Variants in ZNF165 observed in about 807,000 individuals in gnomAD.
ZNF165 encodes the protein cancer/testis antigen 53.
In ZNF165, 14 loss-of-function variants were observed where a neutral mutation model predicts 19.6. The ratio of observed to expected loss-of-function variants is 0.71; its 90% CI spans 0.47 to 1.12. ZNF165 has a LOEUF of 1.12. Ranked by LOEUF, ZNF165 falls within the 50% of genes most tolerant of loss-of-function variation. ZNF165 has a pLI of 0.00. For missense variants in ZNF165, 504 were observed against 566.3 expected (o/e 0.89, Z 1.12); for synonymous variants, 165 against 195.0 (o/e 0.85, Z 1.28).
intron 3 of ZNF165, 71 bp from the exon 4 acceptor site, chr6:28,088,492 T>C (rs1242325303): frequency 6.0e-6 from 8 of 1,327,038 alleles, no homozygotes; most frequent in Non-Finnish European, 8.3e-6. Context: ...TATGTAACTA[T>C]CTTGAGCATG....
chr6:28,086,154 G>C lies in ZNF165; in HGVS notation c.412-18G>C. ...CAGGGATTCTTTTATAAGCCCAAAT[G>C]TACTTTATTTTTCTCAGGTTCAAGC... On this transcript the variant is annotated intron_variant, in intron 2 of 3. Coordinates refer to ENST00000683778, the MANE Select transcript of ZNF165 (RefSeq NM_001376491.1). The C allele has an allele frequency of 6.2e-7, 1 of 1,606,800 alleles. No homozygotes were observed. The highest frequency in any genetic ancestry group is 1.1e-5 in the South Asian group (1 of 90,330).
At chr6:28,088,196 C>A (rs1764324125) in intron 3 of ZNF165, among the ~76,000 whole-genome samples, 1 of 152,162 alleles carries the variant, frequency 6.6e-6, no homozygotes, top group African/African-American at 2.4e-5. Flanking sequence ...GTAGTGCCTC[C>A]ATTTTCCCTC....
intron 1 of ZNF165, among the ~76,000 whole-genome samples, chr6:28,084,135 T>A (rs578148599): frequency 6.6e-6 from 1 of 152,320 alleles, no homozygotes; most frequent in Non-Finnish European, 1.5e-5. Flanking sequence ...AGTTACCATC[T>A]CTAGGAGCAG....
chr6:28,086,154 G>A lies in ZNF165; in HGVS notation c.412-18G>A, dbSNP rs1764269869. The A allele has an allele frequency of 6.2e-6, 10 of 1,606,800 alleles. No individual in the cohort carries two copies. In the East Asian group the frequency reaches 1.8e-4, roughly 29 times the overall value. On this transcript the variant is annotated intron_variant, in intron 2 of 3. Coordinates refer to ENST00000683778, the MANE Select transcript of ZNF165 (RefSeq NM_001376491.1). ...CAGGGATTCTTTTATAAGCCCAAATGTACTTTATTTTTCTCAGGTTCAAGC... is the reference window on the plus strand; with the variant it reads ...CAGGGATTCTTTTATAAGCCCAAATATACTTTATTTTTCTCAGGTTCAAGC...
intron 3 of ZNF165, among the ~76,000 whole-genome samples, chr6:28,087,956 A>G (rs1165988877): frequency 6.6e-6 from 1 of 152,210 alleles, no homozygotes; most frequent in Non-Finnish European, 1.5e-5. Context: ...GTTAAAGTCT[A>G]GATAGGAAAT....
intron 3 of ZNF165, among the ~76,000 whole-genome samples, chr6:28,086,918 C>T (rs1581483621): frequency 6.6e-6 from 1 of 152,010 alleles, no homozygotes; most frequent in Non-Finnish European, 1.5e-5. Context: ...AATACATGGA[C>T]AGAAGCAAAA....
chr6:28,088,291 A>G (rs1046637154), intron 3 of ZNF165, among the ~76,000 whole-genome samples: 3 of 152,042 alleles, frequency 2.0e-5, no homozygotes, highest in African/African-American at 7.2e-5. Flanking sequence ...ATCTCCCCCT[A>G]TCTCTTGAGT....
At chr6:28,086,365 C>A in intron 3 of ZNF165, 55 bp downstream of exon 3, 1 of 1,561,472 alleles carries the variant, frequency 6.4e-7, no homozygotes. Context: ...GGGAATGAAT[C>A]TCCCTCCACA....
chr6:28,089,061 G>T lies in ZNF165; in HGVS notation c.1049G>T (p.Gly350Val), dbSNP rs1295381741. Residue 350 changes from glycine to valine, a missense_variant, in exon 4 of 4, where the codon GGG becomes GTG. Gly to Val is a moderately radical substitution (Grantham distance 109). Transcript: ENST00000683778. ...AAAACTCATCAGTGTAATGAATGTG[G>T]GAAAGCTTTCAGGCACAGCTCAAAA... ...GDKTHQCNEC[G>V]KAFRHSSKLA... is the part of the protein sequence containing the mutation. The T allele has an allele frequency of 6.2e-7, 1 of 1,614,066 alleles. No individual in the cohort carries two copies. Among genetic ancestry groups the T allele is most frequent in the African/African-American group, 1.3e-5 (1 of 74,938 alleles).
chr6:28,088,491 A>G, intron 3 of ZNF165, 72 bp from the exon 4 acceptor site: 5 of 1,306,526 alleles, frequency 3.8e-6, no homozygotes, highest in Non-Finnish European at 5.3e-6. Flanking sequence ...ATATGTAACT[A>G]TCTTGAGCAT....
At chr6:28,087,713 A>C (rs1764312143) in intron 3 of ZNF165, among the ~76,000 whole-genome samples, 1 of 152,178 alleles carries the variant, frequency 6.6e-6, no homozygotes, top group African/African-American at 2.4e-5. Flanking sequence ...ATAATAAAGA[A>C]GGGCGGTTCA....
At chr6:28,085,348 G>A in intron 1 of ZNF165, 133 bp from the exon 2 acceptor site, 1 of 928,998 alleles carries the variant, frequency 1.1e-6, no homozygotes, top group Non-Finnish European at 1.6e-6. Context: ...TTGTGTAATG[G>A]AGAATGACGA....
At chr6:28,085,996 G>C in intron 2 of ZNF165, 105 bp downstream of exon 2, 1 of 1,522,166 alleles carries the variant, frequency 6.6e-7, no homozygotes, top group Non-Finnish European at 8.8e-7. Flanking sequence ...TGTTGGTTCA[G>C]TGTGCATTTA....
chr6:28,086,626 G>A (rs9357062), intron 3 of ZNF165, among the ~76,000 whole-genome samples: 35,661 of 151,974 alleles, frequency 0.23, 4,359 homozygotes, highest in African/African-American at 0.3. Context: ...GGAGAATGGC[G>A]TGAACCTGGG....
chr6:28,086,581 C>T (rs1457408733), intron 3 of ZNF165, among the ~76,000 whole-genome samples: 1 of 152,094 alleles, frequency 6.6e-6, no homozygotes, highest in Non-Finnish European at 1.5e-5. Flanking sequence ...TTAGCCGTAG[C>T]ACCTGTAGTC....
At chr6:28,087,224 A>T (rs946081460) in intron 3 of ZNF165, among the ~76,000 whole-genome samples, 12 of 151,982 alleles carry the variant, frequency 7.9e-5, no homozygotes, top group African/African-American at 2.9e-4. Flanking sequence ...CTTACCGTTA[A>T]TTTTTTGGTT....
chr6:28,085,581 A>G lies in ZNF165; in HGVS notation c.101A>G (p.Asp34Gly). The G allele has an allele frequency of 6.2e-7, 1 of 1,614,256 alleles. No individual in the cohort carries two copies. The highest frequency in any genetic ancestry group is 8.5e-7 in the Non-Finnish European group (1 of 1,180,044). Residue 34 changes from aspartate (D) to glycine (G), a missense_variant, in exon 2 of 4, where the codon GAC (aspartate) becomes GGC (glycine). Physicochemically the swap from Asp to Gly is moderately conservative, Grantham distance 94 (BLOSUM62 -1). Transcript: ENST00000683778. ...GAGGAAGAATTTATCCATGGGCAGG[A>G]CACTTGCTTACAGAGAAGTGAACTC... is the stretch of plus-strand genomic sequence containing the variant. ...IEEEEFIHGQ[D>G]TCLQRSELLK... is the part of the protein sequence containing the mutation.
chr6:28,089,397 G>C lies in ZNF165; in HGVS notation c.1385G>C (p.Gly462Ala). 6.2e-7 allele frequency: 1 copy of C among 1,614,170 alleles called. No homozygotes were observed. The highest frequency in any genetic ancestry group is 1.3e-5 in the African/African-American group (1 of 75,054). Residue 462 changes from glycine to alanine, a missense_variant, in exon 4 of 4, where the codon GGA becomes GCA. Transcript: ENST00000683778. ...AAACCCTATGAATGCAGTGAGTGTG[G>C]AAGAGCCTTCAGTCAGAGCTCAAAC... is the stretch of plus-strand genomic sequence containing the variant. ...GEKPYECSEC[G>A]RAFSQSSNLS...
In ZNF165 at chr6:28,085,573, T is replaced by C. The variant is rs746485331; in HGVS notation, c.93T>C (p.His31=). 17 of 1,614,140 alleles carry C rather than the reference T, an allele frequency of 1.1e-5. No homozygotes were observed. The highest frequency in any genetic ancestry group is 1.4e-5 in the Non-Finnish European group (17 of 1,180,046). ...AGATAGAAGAGGAAGAATTTATCCA[T>C]GGGCAGGACACTTGCTTACAGAGAA... The part of the protein sequence containing the change: ...IVKIEEEEFI[H]GQDTCLQRSE... The change falls in exon 2 of 4, where the codon CAT becomes CAC. Residue 31 remains histidine (H), a synonymous_variant. Transcript: ENST00000683778.
Sources: gnomAD v4.1 joint callset for allele counts (sites outside exome capture counted in the v4.1 genomes callset) on GRCh38, gnomAD v4.1.1 for gene constraint, MANE v1.5 for transcripts, NCBI Gene and HGNC (gene_info 2026-07-23, HGNC 2026-07-21) for gene names.